The following PPARGC1A variants were observed in gnomAD, a reference collection of about 807,000 sequenced individuals.
The protein encoded by PPARGC1A is PPARG coactivator 1 alpha.
Under a neutral mutation model 88.7 loss-of-function variants are expected in PPARGC1A, and 25 were observed. The ratio of observed to expected loss-of-function variants is 0.28; its 90% confidence interval spans 0.21 to 0.39. The LOEUF (loss-of-function observed/expected upper bound fraction) is 0.39. Ranked by LOEUF, PPARGC1A falls within the 10% of genes least tolerant of loss-of-function variation. The probability of loss-of-function intolerance (pLI) is 1.00; values close to 1 mark genes in which losing one functional copy is unlikely to be tolerated. For synonymous variants in PPARGC1A, 363 were observed against 355.6 expected (o/e 1.02, Z -0.24); for missense variants, 880 against 968.7 (o/e 0.91, Z 1.22).
chr4:24,298,070 A>G, the PPARGC1A span, among the ~76,000 whole-genome samples: 1 of 152,144 alleles, frequency 6.6e-6, no homozygotes, highest in African/African-American at 2.4e-5. Flanking sequence ...CCATGGAGGC[A>G]TATTTTAGCT....
chr4:24,211,434 G>A, the PPARGC1A span, among the ~76,000 whole-genome samples: 11 of 152,194 alleles, frequency 7.2e-5, no homozygotes, highest in South Asian at 2.1e-4. Context: ...CCAGGATACA[G>A]AAGGGGACAC....
the PPARGC1A span, among the ~76,000 whole-genome samples, chr4:24,339,873 G>T: frequency 5.9e-5 from 9 of 151,780 alleles, no homozygotes; most frequent in African/African-American, 2.2e-4. Context: ...CGAGTAGCTG[G>T]GACTACAGGC....
chr4:23,989,229 T>C, the PPARGC1A span, among the ~76,000 whole-genome samples: 10 of 152,074 alleles, frequency 6.6e-5, 1 homozygote, highest in South Asian at 1.9e-3. Flanking sequence ...CTTTTAATAA[T>C]GCACATTTCA....
intron 5 of PPARGC1A, among the ~76,000 whole-genome samples, chr4:23,826,978 G>T (rs537950994): frequency 6.6e-6 from 1 of 152,064 alleles, no homozygotes; most frequent in Non-Finnish European, 1.5e-5. Context: ...GGAGTAGCCC[G>T]GTGAATTCAT....
intron 2 of PPARGC1A, among the ~76,000 whole-genome samples, chr4:23,859,577 C>T (rs1186046935): frequency 1.3e-5 from 2 of 151,994 alleles, no homozygotes; most frequent in East Asian, 1.9e-4. Context: ...GTCAGGAGAT[C>T]GAGACCATCC....
At chr4:24,316,588 C>T in the PPARGC1A span, among the ~76,000 whole-genome samples, 7 of 152,258 alleles carry the variant, frequency 4.6e-5, no homozygotes, top group African/African-American at 9.6e-5. Flanking sequence ...AGACAAAGCC[C>T]ATTTTACAGT....
At chr4:23,982,843 A>C in the PPARGC1A span, among the ~76,000 whole-genome samples, 1 of 118,572 alleles carries the variant, frequency 8.4e-6, no homozygotes, top group African/African-American at 3.2e-5. Context: ...GTTGATATGT[A>C]ACAGTACTTA....
chr4:24,091,735 C>G, the PPARGC1A span: 22 of 700,444 alleles, frequency 3.1e-5, no homozygotes, highest in Non-Finnish European at 3.9e-5. Flanking sequence ...AGACAGATGC[C>G]AACTGGCCAA....
chr4:23,910,133 AAT>A, the PPARGC1A span, among the ~76,000 whole-genome samples: 1 of 129,480 alleles, frequency 7.7e-6, no homozygotes, highest in African/African-American at 2.9e-5. Flanking sequence ...ATATATAAAA[AAT>A]ATATATCTAT....
the PPARGC1A span, among the ~76,000 whole-genome samples, chr4:24,068,204 CCACGGAAGGA>C: frequency 0.61 from 92,723 of 151,724 alleles, 28,663 homozygotes; most frequent in Non-Finnish European, 0.65. Context: ...GTAATCAATG[CCACGGAAGGA>C]ATGATGATGG....
At chr4:24,067,249 G>A in the PPARGC1A span, among the ~76,000 whole-genome samples, 1 of 149,854 alleles carries the variant, frequency 6.7e-6, no homozygotes, top group Non-Finnish European at 1.5e-5. Context: ...AATTTTCAAA[G>A]CATTTAAATT....
chr4:23,959,278 C>G, the PPARGC1A span, among the ~76,000 whole-genome samples: 2 of 152,122 alleles, frequency 1.3e-5, no homozygotes, highest in Admixed American at 1.3e-4. Flanking sequence ...AACACCTGGT[C>G]AGATAAAAAT....
chr4:24,419,939 A>G, the PPARGC1A span, among the ~76,000 whole-genome samples: 9 of 152,368 alleles, frequency 5.9e-5, no homozygotes, highest in Non-Finnish European at 7.3e-5. Context: ...AAAGTCTTCA[A>G]GGCATGCAAT....
At chr4:24,165,102 C>T in the PPARGC1A span, among the ~76,000 whole-genome samples, 144 of 151,738 alleles carry the variant, frequency 9.5e-4, no homozygotes, top group African/African-American at 1.6e-3. Context: ...TTGAGGAAAG[C>T]GAAATAATTT....
chr4:24,309,922 T>C, the PPARGC1A span, among the ~76,000 whole-genome samples: 1 of 152,158 alleles, frequency 6.6e-6, no homozygotes, highest in Non-Finnish European at 1.5e-5. Context: ...ATGTATTCAA[T>C]GTATATGAAG....
chr4:24,390,495 G>T, the PPARGC1A span, among the ~76,000 whole-genome samples: 1 of 151,972 alleles, frequency 6.6e-6, no homozygotes, highest in Non-Finnish European at 1.5e-5. Context: ...AGTCAATACT[G>T]TAATGTTTTT....
At chr4:23,833,480 T>C (rs1725420115) in intron 2 of PPARGC1A, among the ~76,000 whole-genome samples, 1 of 152,184 alleles carries the variant, frequency 6.6e-6, no homozygotes, top group Non-Finnish European at 1.5e-5. Flanking sequence ...GATTTTATTA[T>C]AAAATGCACC....
the PPARGC1A span, among the ~76,000 whole-genome samples, chr4:24,139,259 A>C: frequency 6.6e-6 from 1 of 151,654 alleles, no homozygotes; most frequent in South Asian, 2.1e-4. Flanking sequence ...TCAGCCTCCC[A>C]AGTAGCTGGG....
chr4:24,285,459 T>G, the PPARGC1A span, among the ~76,000 whole-genome samples: 1 of 152,290 alleles, frequency 6.6e-6, no homozygotes, highest in Admixed American at 6.5e-5. Flanking sequence ...GCCTTCAAGA[T>G]TCTGCCAAAC....
Sources: gnomAD v4.1 joint callset for allele counts (sites outside exome capture counted in the v4.1 genomes callset) on GRCh38, gnomAD v4.1.1 for gene constraint, MANE v1.5 for transcripts, NCBI Gene and HGNC (gene_info 2026-07-23, HGNC 2026-07-21) for gene names.